Variants in TTN observed in about 807,000 individuals in gnomAD.
TTN encodes connectin.
A neutral mutation model predicts 3,223.0 loss-of-function variants in TTN; 1,525 were observed. The ratio of observed to expected loss-of-function variants is 0.47; its 90% CI spans 0.45 to 0.49. The LOEUF (loss-of-function observed/expected upper bound fraction) is 0.49. TTN is among the 20% of genes least tolerant of loss of function. The pLI is 0.00. For synonymous variants in TTN, 14,094 were observed against 15,161.0 expected (o/e 0.93, Z 5.17); for missense variants, 40,786 against 43,424.0 (o/e 0.94, Z 5.40).
At position 178,576,392 on chromosome 2, in the gene TTN, G is replaced by A. The variant is rs115658240; in HGVS notation, c.69740C>T (p.Pro23247Leu). The A allele has an allele frequency of 1.5e-3, 2,317 of 1,565,458 alleles. 43 individuals are homozygous for A. The African/African-American group carries it at 0.028, about 19-fold the overall frequency. Residue 23247 changes from proline (P) to leucine (L), a missense_variant, in exon 326 of 363, where the codon CCG (proline) becomes CTG (leucine). Transcript: ENST00000589042. This position sits in a 1 kb window ranked among gnomAD's most constrained non-coding sequence, Gnocchi z 4.3. ...TTTCTTGGTAGTATCAGTGACATGC[G>A]GATTTGAAGGTGGTCCTGGAGGATC... ...AAYPPGPPSN[P>L]HVTDTTKKSA...
chr2:178,538,052 A>T, intron 354 of TTN, 135 bp from the exon 355 acceptor site: 1 of 863,670 alleles, frequency 1.2e-6, no homozygotes, highest in Non-Finnish European at 1.7e-6. Context: ...ATTCTTAAAA[A>T]CTCTTTGAAG....
At position 178,684,977 on chromosome 2, in the gene TTN, G is replaced by C. The variant is rs779486663; in HGVS notation, c.32483C>G (p.Pro10828Arg). The C allele has an allele frequency of 1.8e-5, 29 of 1,603,094 alleles. No homozygotes were observed. In the South Asian group the frequency reaches 3.1e-4, roughly 17 times the overall value. The change falls in exon 130 of 363, where the codon CCT becomes CGT. Residue 10828 changes from proline (P) to arginine (R), a missense_variant. By Grantham distance (103) the Pro-to-Arg change is moderately radical (BLOSUM62 -2). Coordinates refer to ENST00000589042, the MANE Select transcript of TTN (RefSeq NM_001267550.2). ...EPPPAKVPEA[P>R]KKIVPEKKVP... is the part of the protein sequence containing the mutation. ...TTTCTTTTCTGGCACAATTTTCTTA[G>C]GTGCTTCAGGAACTTTAGAAAGATT...
At chr2:178,591,943 A>G in intron 302 of TTN, 35 bp downstream of exon 302, 1 of 1,606,772 alleles carries the variant, frequency 6.2e-7, no homozygotes, top group Non-Finnish European at 8.5e-7. Flanking sequence ...AAAGACAGTC[A>G]AACAATAGTT....
chr2:178,731,567 T>C lies in TTN; in HGVS notation c.17199A>G (p.Ile5733Met), dbSNP rs1161139503. The C allele has an allele frequency of 4.4e-6, 7 of 1,604,732 alleles. No individual in the cohort carries two copies. Among genetic ancestry groups the C allele is most frequent in the Non-Finnish European group, 6.0e-6 (7 of 1,174,548 alleles). Residue 5733 changes from isoleucine (I) to methionine (M), a missense_variant, in exon 59 of 363, where the codon ATA (isoleucine) becomes ATG (methionine). Coordinates refer to ENST00000589042, the MANE Select transcript of TTN (RefSeq NM_001267550.2). ...RVTLREPPSF[I>M]KKIESTSSLR... ...GGGAGCTGGTACTCTCGATCTTCTT[T>C]ATGAAGGATGGGGGTTCTAACAGAA...
intron 292 of TTN, 108 bp downstream of exon 292, chr2:178,598,398 C>T: frequency 7.4e-7 from 1 of 1,344,062 alleles, no homozygotes; most frequent in Non-Finnish European, 1.0e-6. Context: ...TGCTATTTTC[C>T]TGATTTCTTA....
intron 132 of TTN, 83 bp from the exon 133 acceptor site, chr2:178,684,165 T>TA: frequency 6.9e-7 from 1 of 1,457,142 alleles, no homozygotes; most frequent in Non-Finnish European, 9.5e-7. Context: ...AGCCCAAACA[T>TA]AAACACTTGA....
chr2:178,652,496 G>T lies in TTN; in HGVS notation c.39089C>A (p.Ala13030Glu), dbSNP rs747459623. ...KEVVPEKKVP[A>E]APPKKPEVTP... ...GACTTCAGGCTTTTTAGGAGGAGCCGCTGGCACTTTCTTTTCAGGAACAAC... is the reference window on the plus strand; with the variant it reads ...GACTTCAGGCTTTTTAGGAGGAGCCTCTGGCACTTTCTTTTCAGGAACAAC... Residue 13030 changes from alanine to glutamate, a missense_variant, in exon 202 of 363, where the codon GCG (alanine) becomes GAG (glutamate). Coordinates refer to ENST00000589042, the MANE Select transcript of TTN (RefSeq NM_001267550.2). 1 of 1,611,642 alleles carries T rather than the reference G, an allele frequency of 6.2e-7. No individual in the cohort carries two copies. The highest frequency in any genetic ancestry group is 1.1e-5 in the South Asian group (1 of 90,954).
rs760950968 is a variant in TTN, at chr2:178,748,570, G to T, written c.11311+4554C>A. The T allele has an allele frequency of 8.7e-6, 14 of 1,613,070 alleles. No homozygotes were observed. In the South Asian group the frequency reaches 1.5e-4, roughly 18 times the overall value. ...TTAGATCAAATACAATGTTCTCAGT[G>T]TCAGCAGGATGTTGGATTTTAAAAT... On this transcript the variant is annotated intron_variant, in intron 47 of 362. Coordinates refer to ENST00000589042, the MANE Select transcript of TTN (RefSeq NM_001267550.2).
chr2:178,784,933 T>C (rs2093057177), intron 15 of TTN, among the ~76,000 whole-genome samples: 2 of 152,242 alleles, frequency 1.3e-5, no homozygotes, highest in Admixed American at 6.5e-5. Context: ...TACAGTTCTT[T>C]GAAGGCATAG....
In TTN at chr2:178,590,530, C is replaced by T; in HGVS notation, c.61195G>A (p.Gly20399Ser). 6.2e-7 allele frequency: 1 copy of T among 1,612,924 alleles called. No homozygotes were observed. Among genetic ancestry groups the T allele is most frequent in the Non-Finnish European group, 8.5e-7 (1 of 1,179,314 alleles). The change falls in exon 304 of 363, where the codon GGT becomes AGT. Residue 20399 changes from glycine (G) to serine (S), a missense_variant. Coordinates refer to ENST00000589042, the MANE Select transcript of TTN (RefSeq NM_001267550.2). ...ACATATCCTAGAATGGGGCTACCACCATCACTGAGAGGCTTTGTCCACACC... is the reference window on the plus strand; with the variant it reads ...ACATATCCTAGAATGGGGCTACCACTATCACTGAGAGGCTTTGTCCACACC... ...DLVWTKPLSD[G>S]GSPILGYVVE...
rs200773170 is a variant in TTN at position 178,532,333 on chromosome 2, C to T, written c.104282G>A (p.Arg34761Gln). ...CTCCCTCTCAGCCATGATTCTTTGC[C>T]GTTGCTTTGGCTGTCTGTACGCAGC... ...AQAAYRQPKQRQRIMAEREDE... is the reference protein window; with the variant it reads ...AQAAYRQPKQQQRIMAEREDE... The change falls in exon 358 of 363, where the codon CGG (arginine) becomes CAG (glutamine). Residue 34761 changes from arginine (R) to glutamine (Q), a missense_variant. Transcript: ENST00000589042. The T allele has an allele frequency of 2.9e-5, 47 of 1,613,866 alleles. No homozygotes were observed. The highest frequency in any genetic ancestry group is 1.3e-4 in the Admixed American group (8 of 59,998).
In TTN at chr2:178,702,810, T is replaced by C. The variant is rs115315514; in HGVS notation, c.30224-147A>G. 2.0e-3 allele frequency: 1,523 copies of C among 744,796 alleles called. 19 individuals carry two copies. In the African/African-American group the frequency reaches 0.024, roughly 12 times the overall value. The allele number at this position is 744,796 out of a possible 1,614,324, so 46.1% of individuals were successfully genotyped here. A position where few individuals can be genotyped will look rare whatever the true frequency, so the allele number is the denominator to read the frequency against. On this transcript the variant is annotated intron_variant, in intron 106 of 362. Coordinates refer to ENST00000589042, the MANE Select transcript of TTN (RefSeq NM_001267550.2). The stretch of plus-strand genomic sequence containing the variant: ...TTCAAAAATCCAAAATGAGAAGAAA[T>C]GCACTCTTCTTTGCATCACTAACAA...
At chr2:178,633,074 A>G in intron 233 of TTN, 30 bp from the exon 234 acceptor site, 1 of 1,607,152 alleles carries the variant, frequency 6.2e-7, no homozygotes. Flanking sequence ...GAAGGAAAGA[A>G]AGAACATCAT....
chr2:178,556,455 C>CAAA, intron 330 of TTN: 10 of 185,748 alleles, frequency 5.4e-5, no homozygotes, highest in South Asian at 1.9e-4. Context: ...AACAAACAAA[C>CAAA]AAAAAAAAAA....
At position 178,712,554 on chromosome 2, in the gene TTN, A is replaced by G. The variant is rs879134187; in HGVS notation, c.27368T>C (p.Ile9123Thr). ...KFVKRLNDYSIEKGKPLILEG... is the reference protein window; with the variant it reads ...KFVKRLNDYSTEKGKPLILEG... ...TAGGATCAGGGGTTTTCCTTTCTCTATGCTGTAATCATTCAGCCTCTTCAC... is the reference window on the plus strand; with the variant it reads ...TAGGATCAGGGGTTTTCCTTTCTCTGTGCTGTAATCATTCAGCCTCTTCAC... The change falls in exon 95 of 363, where the codon ATA (isoleucine) becomes ACA (threonine). Residue 9123 changes from isoleucine to threonine, a missense_variant. By Grantham distance (89) the Ile-to-Thr change is moderately conservative (BLOSUM62 -1). Coordinates refer to ENST00000589042, the MANE Select transcript of TTN (RefSeq NM_001267550.2). 3.7e-6 allele frequency: 6 copies of G among 1,613,230 alleles called. No individual in the cohort carries two copies. Among genetic ancestry groups the G allele is most frequent in the Non-Finnish European group, 5.1e-6 (6 of 1,179,590 alleles).
In TTN at chr2:178,549,866, G is replaced by T; in HGVS notation, c.91856C>A (p.Thr30619Lys). 6.5e-7 allele frequency: 1 copy of T among 1,548,716 alleles called. No individual in the cohort carries two copies. The highest frequency in any genetic ancestry group is 1.3e-5 in the South Asian group (1 of 79,066). ...KAEIKVKVQD[T>K]PGKVVGPIRF... ...TATTGGCCCAACTACTTTTCCTGGT[G>T]TATCTATAAGAAAAAGTTTCTAGAG... Residue 30619 changes from threonine (T) to lysine (K), a missense_variant, in exon 338 of 363, where the codon ACA becomes AAA. Physicochemically the swap from Thr to Lys is moderately conservative, Grantham distance 78 (BLOSUM62 -1). Coordinates refer to ENST00000589042, the MANE Select transcript of TTN (RefSeq NM_001267550.2).
In TTN at chr2:178,740,984, A is replaced by G. The variant is rs1336777861; in HGVS notation, c.12249T>C (p.Ala4083=). The G allele has an allele frequency of 2.5e-6, 4 of 1,613,958 alleles. No individual in the cohort carries two copies. The highest frequency in any genetic ancestry group is 3.4e-6 in the Non-Finnish European group (4 of 1,179,846). Residue 4083 remains alanine (A), a synonymous_variant, in exon 48 of 363, where the codon GCT becomes GCC. Coordinates refer to ENST00000589042, the MANE Select transcript of TTN (RefSeq NM_001267550.2). ...TFVKDTILKA[A]LITEENQQLS... ...GTTGCTGGTTTTCTTCTGTAATTAA[A>G]GCAGCTTTCAAAATGGTGTCTTTTA...
rs1561311258 is a variant in TTN at position 178,777,900 on chromosome 2, AGACATCCTTGCAGGT to A, written c.4269_4283del (p.Ala1435_Pro1439del). On this transcript the variant is annotated inframe_deletion, in exon 25 of 363. Coordinates refer to ENST00000589042, the MANE Select transcript of TTN (RefSeq NM_001267550.2). ...TTCTTGCAGGGGACATCCGTGCAGG[AGACATCCTTGCAGGT>A]GACATCCGTGCAGGAGACATGCGTA... 4 of 1,613,854 alleles carry A rather than the reference AGACATCCTTGCAGGT, an allele frequency of 2.5e-6. No homozygotes were observed. Among genetic ancestry groups the A allele is most frequent in the Non-Finnish European group, 3.4e-6 (4 of 1,179,846 alleles).
Position 178,597,616 on chromosome 2 carries a change from T to C in TTN, c.57466A>G (p.Ser19156Gly). Reference sequence around the variant, plus strand: ...AGAAGAGAATAGACGCCTTGATGGCTCCTCTGGCAGTTCTTGATGACCATG... The same window carrying C: ...AGAAGAGAATAGACGCCTTGATGGCCCCTCTGGCAGTTCTTGATGACCATG... ...SSMVIKNCQR[S>G]HQGVYSLLAK... Residue 19156 changes from serine to glycine, a missense_variant, in exon 294 of 363, where the codon AGC (serine) becomes GGC (glycine). Ser to Gly is a moderately conservative substitution (Grantham distance 56). Transcript: ENST00000589042. 6.2e-7 allele frequency: 1 copy of C among 1,613,274 alleles called. No individual in the cohort carries two copies. The highest frequency in any genetic ancestry group is 8.5e-7 in the Non-Finnish European group (1 of 1,179,536).
Sources: allele counts gnomAD v4.1 joint callset (sites outside exome capture counted in the v4.1 genomes callset), GRCh38; gene constraint gnomAD v4.1.1; non-coding constraint Gnocchi (gnomAD v3.1); transcripts MANE v1.5; gene names NCBI Gene and HGNC (gene_info 2026-07-23, HGNC 2026-07-21).